XYLB: variants seen among roughly 807,000 people sequenced by gnomAD.
XYLB encodes the protein xylulose kinase.
A neutral mutation model predicts 78.7 loss-of-function variants in XYLB; 62 were observed. The ratio of observed to expected loss-of-function variants is 0.79; its 90% CI spans 0.64 to 0.97. The LOEUF (loss-of-function observed/expected upper bound fraction) is 0.97, where lower values mean the gene tolerates loss of function less well. Ranked by LOEUF, XYLB falls within the 50% of genes least tolerant of loss-of-function variation. The pLI, the probability that XYLB is intolerant of heterozygous loss-of-function variation, is 0.00. For missense variants in XYLB, 687 were observed against 676.8 expected (o/e 1.02, Z -0.17); for synonymous variants, 245 against 247.4 (o/e 0.99, Z 0.09).
Position 38,363,004 on chromosome 3 carries a change from C to T in XYLB, c.278C>T (p.Ser93Phe). 2 of 1,559,320 alleles carry T rather than the reference C, an allele frequency of 1.3e-6. No homozygotes were observed. Among genetic ancestry groups the T allele is most frequent in the South Asian group, 1.2e-5 (1 of 83,782 alleles). ...GFDFSQVLAL[S>F]GAGQQHGSIY... is the part of the protein sequence containing the mutation. Reference sequence around the variant, plus strand: ...GACTTCTCTCAAGTCCTAGCCTTGTCCGGGGCGGGCCAGGTTCGTTTGCAG... The same window carrying T: ...GACTTCTCTCAAGTCCTAGCCTTGTTCGGGGCGGGCCAGGTTCGTTTGCAG... The change falls in exon 4 of 19, where the codon TCC becomes TTC. Residue 93 changes from serine (S) to phenylalanine (F), a missense_variant. Physicochemically the swap from Ser to Phe is radical, Grantham distance 155. Coordinates refer to ENST00000207870, the MANE Select transcript of XYLB (RefSeq NM_005108.4).
At chr3:38,398,236 G>A (rs1416402101) in intron 17 of XYLB, among the ~76,000 whole-genome samples, 14 of 151,690 alleles carry the variant, frequency 9.2e-5, no homozygotes, top group Admixed American at 3.9e-4. Flanking sequence ...TTGGGAGGCC[G>A]AGGCGGGTGG....
downstream of XYLB, among the ~76,000 whole-genome samples, chr3:38,419,603 T>TATATATATATATATATATATATATAAA (rs71085322): frequency 1.2e-5 from 1 of 80,886 alleles, no homozygotes; most frequent in Non-Finnish European, 3.1e-5. Flanking sequence ...TATATATATA[T>TATATATATATATATATATATATATAAA]AATAGCCATC....
chr3:38,353,446 C>T (rs1420651504), intron 2 of XYLB, among the ~76,000 whole-genome samples: 1 of 152,072 alleles, frequency 6.6e-6, no homozygotes, highest in Non-Finnish European at 1.5e-5. Context: ...GCTGGAACCA[C>T]AGGTGCGCCC....
In XYLB at chr3:38,378,713, C is replaced by G. The variant is rs1051184306; in HGVS notation, c.1195-533C>G. 7.3e-5 allele frequency among the ~76,000 whole-genome samples: 11 copies of G among 151,424 alleles called. No individual in the cohort carries two copies. In the East Asian group the frequency reaches 2.1e-3, roughly 29 times the overall value. ...TGGCGGCAGGTTCTAGCATTGGTCT[C>G]AGGTGCCAGAGAAGCAGGAGTGAGC... is the stretch of plus-strand genomic sequence containing the variant. On this transcript the variant is annotated intron_variant, in intron 14 of 18. Coordinates refer to ENST00000207870, the MANE Select transcript of XYLB (RefSeq NM_005108.4).
chr3:38,384,808 C>T (rs953173857), intron 15 of XYLB, among the ~76,000 whole-genome samples: 3 of 152,084 alleles, frequency 2.0e-5, no homozygotes, highest in African/African-American at 7.2e-5. Context: ...TATGGTTCGA[C>T]CTGACACGTG....
chr3:38,418,942 C>T (rs567010123), downstream of XYLB, among the ~76,000 whole-genome samples: 3 of 152,242 alleles, frequency 2.0e-5, no homozygotes, highest in South Asian at 6.2e-4. Flanking sequence ...AGATCAAATT[C>T]AGTAGCATTA....
At chr3:38,428,597 C>G in the XYLB span, among the ~76,000 whole-genome samples, 1 of 152,142 alleles carries the variant, frequency 6.6e-6, no homozygotes, top group African/African-American at 2.4e-5. Flanking sequence ...ATTCACTGTT[C>G]TGAACACTGT....
intron 17 of XYLB, among the ~76,000 whole-genome samples, chr3:38,399,637 T>C (rs1575527872): frequency 6.6e-6 from 1 of 152,228 alleles, no homozygotes; most frequent in Non-Finnish European, 1.5e-5. Flanking sequence ...GTATGGGGTC[T>C]GCTTCATAAT....
chr3:38,388,347 A>C (rs1707488893), intron 15 of XYLB, among the ~76,000 whole-genome samples: 1 of 152,126 alleles, frequency 6.6e-6, no homozygotes, highest in Non-Finnish European at 1.5e-5. Context: ...ATAACAGTGT[A>C]TTGTATTCGT....
chr3:38,355,302 G>A (rs1394837362), intron 2 of XYLB, among the ~76,000 whole-genome samples: 1 of 152,188 alleles, frequency 6.6e-6, no homozygotes, highest in East Asian at 1.9e-4. Flanking sequence ...GCTACTGTTA[G>A]CTACCTATGA....
the XYLB span, among the ~76,000 whole-genome samples, chr3:38,441,287 T>C: frequency 6.6e-6 from 1 of 152,238 alleles, no homozygotes; most frequent in African/African-American, 2.4e-5. Flanking sequence ...TTCCCAGTTC[T>C]AAGGCTCACG....
In XYLB at chr3:38,387,757, T is replaced by G. The variant is rs549252198; in HGVS notation, c.1292-7748T>G. Among the ~76,000 whole-genome samples, 3 of 152,348 alleles carry G rather than the reference T, an allele frequency of 2.0e-5. No individual in the cohort carries two copies. In the South Asian group the frequency reaches 6.2e-4, roughly 32 times the overall value. Reference sequence around the variant, plus strand: ...CTATTAAGTCCATCTAACAAATTCATTTTGGATATTATATTTTTTCTATTT... The same window carrying G: ...CTATTAAGTCCATCTAACAAATTCAGTTTGGATATTATATTTTTTCTATTT... On this transcript the variant is annotated intron_variant, in intron 15 of 18. Transcript: ENST00000207870.
chr3:38,410,331 G>A (rs377127856), intron 18 of XYLB, among the ~76,000 whole-genome samples: 27 of 152,152 alleles, frequency 1.8e-4, no homozygotes, highest in Non-Finnish European at 2.1e-4. Flanking sequence ...GGCTAGCCAT[G>A]TGTAGAAAGC....
chr3:38,407,549 TA>T (rs1708378768), intron 18 of XYLB, among the ~76,000 whole-genome samples: 1 of 151,462 alleles, frequency 6.6e-6, no homozygotes. Flanking sequence ...ACTTTAAATG[TA>T]AATGGACTAA....
chr3:38,383,960 C>T (rs17037638), intron 15 of XYLB, among the ~76,000 whole-genome samples: 13,211 of 152,208 alleles, frequency 0.087, 792 homozygotes, highest in Middle Eastern at 0.19. Context: ...CAAAGTTTGT[C>T]AGAAGTCATC....
At chr3:38,396,895 C>T (rs970043379) in intron 16 of XYLB, among the ~76,000 whole-genome samples, 177 bp from the exon 17 acceptor site, 2 of 152,152 alleles carry the variant, frequency 1.3e-5, no homozygotes, top group Non-Finnish European at 2.9e-5. Flanking sequence ...CCCAGCTCAT[C>T]CTGACTCTAT....
the XYLB span, among the ~76,000 whole-genome samples, chr3:38,434,935 C>G: frequency 2.6e-5 from 4 of 152,260 alleles, no homozygotes; most frequent in African/African-American, 7.2e-5. Flanking sequence ...GAGTTCAAGA[C>G]CAGCCTGGCT....
the XYLB span, among the ~76,000 whole-genome samples, chr3:38,426,373 C>T: frequency 2.0e-5 from 3 of 152,178 alleles, no homozygotes; most frequent in Admixed American, 6.5e-5. Context: ...TAATGAAAGA[C>T]AGCATGAGTG....
At chr3:38,389,486 G>C (rs1707552878) in intron 15 of XYLB, among the ~76,000 whole-genome samples, 1 of 152,132 alleles carries the variant, frequency 6.6e-6, no homozygotes, top group African/African-American at 2.4e-5. Context: ...GGTGGTGGCC[G>C]GGCAGAGGGG....
Sources: allele counts gnomAD v4.1 joint callset (sites outside exome capture counted in the v4.1 genomes callset), GRCh38; gene constraint gnomAD v4.1.1; transcripts MANE v1.5; gene names NCBI Gene and HGNC (gene_info 2026-07-23, HGNC 2026-07-21).